ACYP2: variants seen among roughly 807,000 people sequenced by gnomAD.
ACYP2 encodes acylphosphatase 2, also known as acylphosphatase-2.
Under a neutral mutation model 11.2 loss-of-function variants are expected in ACYP2, and 12 were observed. That is an observed-to-expected ratio of 1.08 (90% CI 0.69 to 1.74). The LOEUF is 1.74. ACYP2 is among the 40% of genes most tolerant of loss of function. ACYP2 has a pLI of 0.00. For synonymous variants in ACYP2, 43 were observed against 32.2 expected, an observed-to-expected ratio of 1.33 and a Z score of -1.13; for missense variants, 134 against 101.9, an observed-to-expected ratio of 1.31 and a Z score of -1.35.
At chr2:54,003,370 C>A (rs1315487880) in intron 2 of ACYP2, among the ~76,000 whole-genome samples, 6 of 151,824 alleles carry the variant, frequency 4.0e-5, no homozygotes, top group Non-Finnish European at 7.4e-5. Flanking sequence ...AGCGATTCTC[C>A]TGCCTCAGCC....
intron 2 of ACYP2, chr2:53,975,497 T>C (rs1671427482): frequency 1.6e-5 from 6 of 380,452 alleles, no homozygotes; most frequent in East Asian, 3.7e-5. Context: ...CAACTTGTTA[T>C]CTCTTGAAGG....
chr2:54,121,994 T>G (rs907135700), intron 4 of ACYP2, among the ~76,000 whole-genome samples: 17 of 152,222 alleles, frequency 1.1e-4, no homozygotes, highest in African/African-American at 3.4e-4. Flanking sequence ...GATGCCGTGG[T>G]GTATGGCTCC....
chr2:54,224,979 T>C (rs1685951396), intron 6 of ACYP2, among the ~76,000 whole-genome samples: 1 of 152,224 alleles, frequency 6.6e-6, no homozygotes, highest in Admixed American at 6.5e-5. Flanking sequence ...TCCAGCAGTA[T>C]GGCTGGAAAT....
In ACYP2 at chr2:54,059,178, C is replaced by G. The variant is rs534455590; in HGVS notation, c.277+1818C>G. Among the ~76,000 whole-genome samples, 335 of 152,078 alleles carry G rather than the reference C, an allele frequency of 2.2e-3. 3 individuals carry two copies. The highest frequency in any genetic ancestry group is 7.6e-3 in the African/African-American group (314 of 41,510). On this transcript the variant is annotated intron_variant, in intron 4 of 6. Transcript: ENST00000607452. ...TTCTTTTGAGTTAAGAATTGCCTAGCTTTCCATCTTATCATTTTTCTTTCT... is the reference window on the plus strand; with the variant it reads ...TTCTTTTGAGTTAAGAATTGCCTAGGTTTCCATCTTATCATTTTTCTTTCT...
chr2:54,051,531 G>A (rs1040827145), intron 3 of ACYP2: 4 of 726,530 alleles, frequency 5.5e-6, no homozygotes, highest in African/African-American at 1.8e-5. Context: ...TCTGAGAATT[G>A]CCCAAAAATA....
At chr2:54,162,518 A>G (rs1473890831) in intron 6 of ACYP2, among the ~76,000 whole-genome samples, 1 of 152,158 alleles carries the variant, frequency 6.6e-6, no homozygotes, top group Non-Finnish European at 1.5e-5. Flanking sequence ...CACCATGGAT[A>G]TCACCTGGAA....
At chr2:54,260,634 G>A (rs542329658) in intron 6 of ACYP2, among the ~76,000 whole-genome samples, 1 of 152,310 alleles carries the variant, frequency 6.6e-6, no homozygotes, top group South Asian at 2.1e-4. Flanking sequence ...GTCTCCTGGG[G>A]TCGAGTCCTA....
chr2:54,233,156 T>A (rs1686316738), intron 6 of ACYP2, among the ~76,000 whole-genome samples: 1 of 152,124 alleles, frequency 6.6e-6, no homozygotes, highest in Non-Finnish European at 1.5e-5. Flanking sequence ...TAAGTTACAC[T>A]CATTTTTAAA....
chr2:54,000,950 T>G (rs1672767097), intron 2 of ACYP2, among the ~76,000 whole-genome samples: 1 of 152,214 alleles, frequency 6.6e-6, no homozygotes, highest in African/African-American at 2.4e-5. Context: ...GAGCTGACAA[T>G]TTTAGTCCTT....
intron 6 of ACYP2, chr2:54,255,566 G>GGGGCCCGGGCCC (rs76397255): frequency 6.2e-6 from 10 of 1,612,844 alleles, no homozygotes; most frequent in East Asian, 2.2e-5. Flanking sequence ...CCCACGTTCA[G>GGGGCCCGGGCCC]GGGCCCGGGC....
chr2:54,258,360 C>T (rs1380623206), intron 6 of ACYP2, among the ~76,000 whole-genome samples: 3 of 151,950 alleles, frequency 2.0e-5, no homozygotes, highest in South Asian at 2.1e-4. Flanking sequence ...CATTTCAGCA[C>T]GAGAAGTGCT....
intron 6 of ACYP2, among the ~76,000 whole-genome samples, chr2:54,292,651 T>A (rs987571785): frequency 2.2e-5 from 3 of 135,838 alleles, no homozygotes; most frequent in Non-Finnish European, 3.1e-5. Flanking sequence ...CATTTCTGAT[T>A]GTGTGTGTAT....
intron 6 of ACYP2, among the ~76,000 whole-genome samples, chr2:54,163,795 G>A (rs540383178): frequency 3.3e-5 from 5 of 152,218 alleles, no homozygotes; most frequent in African/African-American, 4.8e-5. Flanking sequence ...GACAGAGGTC[G>A]CAGTGGGCCG....
rs184695659 is a variant in ACYP2 at position 54,184,956 on chromosome 2, C to G, written c.404+46208C>G. On this transcript the variant is annotated intron_variant, in intron 6 of 6. Transcript: ENST00000607452. ...CTGCCTCCCGGGTTCAAGCAGTTCT[C>G]TGCCTCAGCCTCCCGAGTAGCTGGG... 2.8e-3 allele frequency among the ~76,000 whole-genome samples: 423 copies of G among 151,788 alleles called. 1 individual carries two copies. The highest frequency in any genetic ancestry group is 9.7e-3 in the African/African-American group (402 of 41,396).
chr2:54,236,766 T>C (rs1476896024), intron 6 of ACYP2, among the ~76,000 whole-genome samples: 1 of 152,226 alleles, frequency 6.6e-6, no homozygotes, highest in Admixed American at 6.5e-5. Context: ...GAGAGAGGTA[T>C]GTTCAGATTT....
chr2:54,265,035 T>C (rs547579411), intron 6 of ACYP2, among the ~76,000 whole-genome samples: 8 of 152,286 alleles, frequency 5.3e-5, no homozygotes, highest in African/African-American at 1.9e-4. Context: ...AAACTTTAAC[T>C]AGGTGGAATT....
chr2:54,178,373 G>A (rs926234888), intron 6 of ACYP2, among the ~76,000 whole-genome samples: 3 of 152,134 alleles, frequency 2.0e-5, no homozygotes, highest in African/African-American at 7.2e-5. Context: ...GTAGTGCTAA[G>A]AGATTTGTTC....
At chr2:54,007,283 C>G (rs1259685191) in intron 2 of ACYP2, among the ~76,000 whole-genome samples, 2 of 129,742 alleles carry the variant, frequency 1.5e-5, no homozygotes, top group Non-Finnish European at 3.1e-5. Flanking sequence ...GAGACGGAGT[C>G]TCGCTCTGTC....
chr2:53,987,163 G>C (rs911152412), intron 2 of ACYP2, among the ~76,000 whole-genome samples: 1 of 152,148 alleles, frequency 6.6e-6, no homozygotes, highest in Non-Finnish European at 1.5e-5. Context: ...TTCACAAAGT[G>C]GTCACACCTG....
Sources: allele counts gnomAD v4.1 joint callset (sites outside exome capture counted in the v4.1 genomes callset), GRCh38; gene constraint gnomAD v4.1.1; transcripts MANE v1.5; gene names NCBI Gene and HGNC (gene_info 2026-07-23, HGNC 2026-07-21).